TMEM71: variants seen among roughly 807,000 people sequenced by gnomAD.
TMEM71 encodes transmembrane protein 71.
A neutral mutation model predicts 38.0 loss-of-function variants in TMEM71; 44 were observed. The ratio of observed to expected loss-of-function variants is 1.16; its 90% CI spans 0.91 to 1.49. The LOEUF is 1.49. Among genes scored for constraint, TMEM71 ranks in the 40% most tolerant of loss-of-function variants. The probability of loss-of-function intolerance (pLI) is 0.00; values close to 1 mark genes in which losing one functional copy is unlikely to be tolerated. For synonymous variants in TMEM71, 133 were observed against 122.5 expected (o/e 1.09, Z -0.56); for missense variants, 367 against 348.6 (o/e 1.05, Z -0.42).
chr8:132,750,044 A>G (rs1490807367), intron 4 of TMEM71, among the ~76,000 whole-genome samples: 1 of 151,838 alleles, frequency 6.6e-6, no homozygotes, highest in Non-Finnish European at 1.5e-5. Flanking sequence ...GAAAGAAAAG[A>G]AAAGAAAAAG....
intron 4 of TMEM71, among the ~76,000 whole-genome samples, chr8:132,750,980 T>C (rs1222621926): frequency 6.6e-6 from 1 of 152,176 alleles, no homozygotes; most frequent in Non-Finnish European, 1.5e-5. Flanking sequence ...TTTTAATCTG[T>C]GGATACCTTG....
chr8:132,747,935 G>A (rs1374900551), intron 4 of TMEM71, among the ~76,000 whole-genome samples: 1 of 152,216 alleles, frequency 6.6e-6, no homozygotes, highest in Non-Finnish European at 1.5e-5. Context: ...AATTCGGTTT[G>A]CATTTCCAAA....
chr8:132,715,409 C>CAAAAAAAAAAAAAAAAAAAAA (rs975995287), intron 7 of TMEM71, among the ~76,000 whole-genome samples: 6 of 21,568 alleles, frequency 2.8e-4, no homozygotes, highest in Non-Finnish European at 6.5e-4. Context: ...GACTCCGTCT[C>CAAAAAAAAAAAAAAAAAAAAA]AAAAAAAAAA....
intron 4 of TMEM71, among the ~76,000 whole-genome samples, chr8:132,751,031 TC>T (rs1160909132): frequency 2.0e-5 from 3 of 152,306 alleles, no homozygotes; most frequent in Admixed American, 1.3e-4. Flanking sequence ...ACTCACATAT[TC>T]ACACACATCC....
At chr8:132,775,432 G>C in the TMEM71 span, 9 of 386,276 alleles carry the variant, frequency 2.3e-5, no homozygotes, top group African/African-American at 1.5e-4. Flanking sequence ...GGCGATGGCA[G>C]CGGACCCTGA....
upstream of TMEM71, among the ~76,000 whole-genome samples, chr8:132,763,216 T>C (rs1563760541): frequency 6.6e-6 from 1 of 152,178 alleles, no homozygotes; most frequent in Non-Finnish European, 1.5e-5. Context: ...TAGCACTTTT[T>C]ACCAAGGAAT....
intron 7 of TMEM71, among the ~76,000 whole-genome samples, chr8:132,717,209 AC>A (rs1162337337): frequency 6.6e-6 from 1 of 152,246 alleles, no homozygotes; most frequent in African/African-American, 2.4e-5. Flanking sequence ...AAAAGCACAG[AC>A]CACAAAAAAA....
At chr8:132,748,058 G>T (rs1828492436) in intron 4 of TMEM71, among the ~76,000 whole-genome samples, 1 of 152,208 alleles carries the variant, frequency 6.6e-6, no homozygotes, top group South Asian at 2.1e-4. Context: ...CAAGCCCTGT[G>T]CTGAGCACAC....
chr8:132,711,177 G>T (rs1359384553), intron 9 of TMEM71, among the ~76,000 whole-genome samples, 195 bp from the exon 10 acceptor site: 1 of 152,114 alleles, frequency 6.6e-6, no homozygotes, highest in Admixed American at 6.5e-5. Flanking sequence ...TTTTATCCCA[G>T]CAGTTCTTAG....
At chr8:132,766,467 T>C in the TMEM71 span, among the ~76,000 whole-genome samples, 2 of 151,890 alleles carry the variant, frequency 1.3e-5, no homozygotes, top group South Asian at 4.2e-4. Flanking sequence ...TCCACATTGG[T>C]CACAAATATT....
rs775641773 is a variant in TMEM71 at position 132,757,247 on chromosome 8, A to G, written c.88T>C (p.Cys30Arg). 14 of 1,610,638 alleles carry G rather than the reference A, an allele frequency of 8.7e-6. No homozygotes were observed. Among genetic ancestry groups the G allele is most frequent in the Non-Finnish European group, 1.0e-5 (12 of 1,177,698 alleles). The change falls in exon 3 of 10, where the codon TGC becomes CGC. Residue 30 changes from cysteine to arginine, a missense_variant. Cys to Arg is a radical substitution (Grantham distance 180). Coordinates refer to ENST00000677595, the MANE Select transcript of TMEM71 (RefSeq NM_001382403.1). The stretch of plus-strand genomic sequence containing the variant: ...CCCATAGTATACCTTGGGAAAATGC[A>G]CGTGGGAGACAGCTCTCCAGCATAT... ...REYAGELSPT[C>R]IFPSFTCDSL...
At chr8:132,745,797 A>T (rs567513466) in intron 5 of TMEM71, among the ~76,000 whole-genome samples, 2 of 152,202 alleles carry the variant, frequency 1.3e-5, no homozygotes, top group Non-Finnish European at 2.9e-5. Flanking sequence ...AATTGAATGA[A>T]GAAAATGGTA....
chr8:132,768,938 C>T, the TMEM71 span, among the ~76,000 whole-genome samples: 1 of 152,274 alleles, frequency 6.6e-6, no homozygotes, highest in African/African-American at 2.4e-5. Flanking sequence ...CATTCTTCCA[C>T]ACTAACACTT....
chr8:132,766,527 C>T, the TMEM71 span, among the ~76,000 whole-genome samples: 4 of 152,214 alleles, frequency 2.6e-5, no homozygotes, highest in Admixed American at 6.5e-5. Context: ...CAGCTAGGCA[C>T]GGTGGCTTAT....
chr8:132,707,317 G>T (rs1252381069), downstream of TMEM71, among the ~76,000 whole-genome samples: 3 of 152,120 alleles, frequency 2.0e-5, no homozygotes, highest in Non-Finnish European at 4.4e-5. Flanking sequence ...CAGCTGGAGG[G>T]CTCCTGATAC....
At chr8:132,723,718 G>A (rs1009357010) in intron 6 of TMEM71, among the ~76,000 whole-genome samples, 21 of 152,090 alleles carry the variant, frequency 1.4e-4, no homozygotes, top group African/African-American at 4.8e-4. Context: ...TTTCCTTGAG[G>A]AATCACCTCT....
chr8:132,740,389 C>T (rs1398408999), intron 5 of TMEM71, among the ~76,000 whole-genome samples: 1 of 152,200 alleles, frequency 6.6e-6, no homozygotes, highest in Non-Finnish European at 1.5e-5. Flanking sequence ...CATCACTTCC[C>T]CTTTTCTTGT....
chr8:132,725,924 G>T (rs748097140), intron 6 of TMEM71, among the ~76,000 whole-genome samples: 3 of 152,170 alleles, frequency 2.0e-5, no homozygotes, highest in Non-Finnish European at 4.4e-5. Flanking sequence ...GAGTACAAAG[G>T]TTAACTTTAC....
chr8:132,706,083 G>A (rs1444330622), downstream of TMEM71, among the ~76,000 whole-genome samples: 2 of 152,092 alleles, frequency 1.3e-5, no homozygotes, highest in Admixed American at 6.6e-5. Flanking sequence ...GAAACAAGAA[G>A]ACAGCCATCT....
Sources: allele counts gnomAD v4.1 joint callset (sites outside exome capture counted in the v4.1 genomes callset), GRCh38; gene constraint gnomAD v4.1.1; transcripts MANE v1.5; gene names NCBI Gene and HGNC (gene_info 2026-07-23, HGNC 2026-07-21).